NR3C2: variants seen among roughly 807,000 people sequenced by gnomAD.
NR3C2 encodes mineralocorticoid receptor.
NR3C2 carries 15 observed loss-of-function variants against 86.4 expected under a neutral mutation model. The observed-to-expected ratio is 0.17, with a 90% CI of 0.12 to 0.27. The LOEUF (loss-of-function observed/expected upper bound fraction) is 0.27. Ranked by LOEUF, NR3C2 falls within the 10% of genes least tolerant of loss-of-function variation. The pLI is 1.00. For synonymous variants in NR3C2, 458 were observed against 450.5 expected (o/e 1.02, Z -0.21); for missense variants, 960 against 1,195.6 (o/e 0.80, Z 2.91).
At chr4:148,213,137 G>T (rs1041167116) in intron 3 of NR3C2, among the ~76,000 whole-genome samples, 1 of 146,988 alleles carries the variant, frequency 6.8e-6, no homozygotes, top group African/African-American at 2.5e-5. Context: ...ACAATGATGG[G>T]TTTTTTTTTT....
chr4:148,088,068 C>T (rs904795890), intron 8 of NR3C2, among the ~76,000 whole-genome samples: 4 of 152,194 alleles, frequency 2.6e-5, no homozygotes, highest in African/African-American at 9.7e-5. Flanking sequence ...AGAGACTCTT[C>T]TCAAAAGAAG....
Position 148,436,456 on chromosome 4 carries a change from C to A in NR3C2, c.405G>T (p.Gln135His), listed in dbSNP as rs138893620. The A allele has an allele frequency of 6.2e-7, 1 of 1,614,196 alleles. No individual in the cohort carries two copies. The highest frequency in any genetic ancestry group is 1.6e-4 in the Middle Eastern group (1 of 6,062). The change falls in exon 2 of 9, where the codon CAG becomes CAT. Residue 135 changes from glutamine to histidine, a missense_variant. By Grantham distance (24) the Gln-to-His change is conservative (BLOSUM62 0). Coordinates refer to ENST00000358102, the MANE Select transcript of NR3C2 (RefSeq NM_000901.5). ...AAAATTTCACCAGCTGTTCAACATT[C>A]TGATAAATCTTAGCTGGACTCATGC... ...QGSMSPAKIY[Q>H]NVEQLVKFYK... is the part of the protein sequence containing the mutation.
chr4:148,181,841 G>A (rs1011113946), intron 4 of NR3C2, among the ~76,000 whole-genome samples: 1 of 152,170 alleles, frequency 6.6e-6, no homozygotes, highest in African/African-American at 2.4e-5. Context: ...TAGTACTAGT[G>A]GCAGGAGGGA....
intron 2 of NR3C2, among the ~76,000 whole-genome samples, chr4:148,421,903 T>C (rs1284317161): frequency 4.6e-5 from 7 of 152,148 alleles, no homozygotes; most frequent in Admixed American, 4.6e-4. Context: ...GTTCATGAAA[T>C]TATACTCTCT....
At chr4:148,434,200 C>T (rs887319358) in intron 2 of NR3C2, among the ~76,000 whole-genome samples, 38 of 152,102 alleles carry the variant, frequency 2.5e-4, no homozygotes, top group African/African-American at 9.2e-4. Flanking sequence ...TTTATATAGT[C>T]CATAAAGGAA....
At chr4:148,136,883 C>T (rs1247397221) in intron 6 of NR3C2, among the ~76,000 whole-genome samples, 1 of 152,152 alleles carries the variant, frequency 6.6e-6, no homozygotes, top group Admixed American at 6.6e-5. Flanking sequence ...CTTACTTGTC[C>T]AGTAACTCAC....
intron 2 of NR3C2, among the ~76,000 whole-genome samples, chr4:148,265,102 A>G (rs1357457174): frequency 2.0e-5 from 3 of 152,186 alleles, no homozygotes; most frequent in Non-Finnish European, 4.4e-5. Flanking sequence ...AGAGGATTTT[A>G]TACAAATGTT....
chr4:148,254,731 T>C (rs1414225835), intron 3 of NR3C2, among the ~76,000 whole-genome samples: 1 of 152,006 alleles, frequency 6.6e-6, no homozygotes, highest in Non-Finnish European at 1.5e-5. Flanking sequence ...AAAGAAAAAA[T>C]ATCTTTAAGG....
At chr4:148,261,157 G>A (rs952409165) in intron 2 of NR3C2, among the ~76,000 whole-genome samples, 2 of 152,218 alleles carry the variant, frequency 1.3e-5, no homozygotes, top group African/African-American at 2.4e-5. Flanking sequence ...TAGAACTGGG[G>A]AAAGTGCTAT....
intron 3 of NR3C2, among the ~76,000 whole-genome samples, chr4:148,205,412 C>T (rs1179856384): frequency 2.0e-5 from 3 of 152,184 alleles, no homozygotes; most frequent in African/African-American, 7.2e-5. Flanking sequence ...TATCCTCTAA[C>T]CACCTAGTTT....
chr4:148,202,282 C>T (rs903991809), intron 3 of NR3C2, among the ~76,000 whole-genome samples: 11 of 152,168 alleles, frequency 7.2e-5, no homozygotes, highest in Non-Finnish European at 1.2e-4. Context: ...ATCTTTTTTC[C>T]AGGGGGAGGA....
At chr4:148,203,567 C>T (rs1013782374) in intron 3 of NR3C2, among the ~76,000 whole-genome samples, 1 of 151,774 alleles carries the variant, frequency 6.6e-6, no homozygotes, top group Non-Finnish European at 1.5e-5. Context: ...TGAACTGGTT[C>T]GAACAACCTG....
At chr4:148,363,462 C>G (rs1038083847) in intron 2 of NR3C2, among the ~76,000 whole-genome samples, 3 of 145,910 alleles carry the variant, frequency 2.1e-5, no homozygotes, top group African/African-American at 7.5e-5. Context: ...CATGAAATTA[C>G]AGCACTACTC....
chr4:148,200,071 G>T (rs1162973893), intron 3 of NR3C2, among the ~76,000 whole-genome samples: 1 of 152,182 alleles, frequency 6.6e-6, no homozygotes, highest in Non-Finnish European at 1.5e-5. Context: ...TCCACACAAA[G>T]AATAAGCCCA....
chr4:148,260,074 T>C lies in NR3C2; in HGVS notation c.1801A>G (p.Lys601Glu). ...SVSTGSSRPS[K>E]ICLVCGDEAS... The stretch of plus-strand genomic sequence containing the variant: ...TCATCCCCACACACCAAACATATTT[T>C]TGAAGGTCTTGAAGATCCAGTAGAA... Residue 601 changes from lysine (K) to glutamate (E), a missense_variant, in exon 3 of 9, where the codon AAA (lysine) becomes GAA (glutamate). Around this residue, in one of 4 missense-constraint regions of NR3C2, gnomAD observed 47 missense variants for 107.3 expected, o/e 0.44. Coordinates refer to ENST00000358102, the MANE Select transcript of NR3C2 (RefSeq NM_000901.5). 6.2e-7 allele frequency: 1 copy of C among 1,614,096 alleles called. No homozygotes were observed. Among genetic ancestry groups the C allele is most frequent in the Non-Finnish European group, 8.5e-7 (1 of 1,180,008 alleles).
chr4:148,136,056 C>CAAAAAAGAAAAAAAAAAAA (rs1733300559), intron 6 of NR3C2, among the ~76,000 whole-genome samples: 1 of 71,182 alleles, frequency 1.4e-5, no homozygotes, highest in Admixed American at 1.4e-4. Flanking sequence ...GACTCCGTCT[C>CAAAAAAGAAAAAAAAAAAA]AAAAAAAAAA....
rs1736366164 is a variant in NR3C2, at chr4:148,194,853, T to C, written c.1907A>G (p.Asn636Ser). 6.2e-7 allele frequency: 1 copy of C among 1,609,494 alleles called. No individual in the cohort carries two copies. The highest frequency in any genetic ancestry group is 8.5e-7 in the Non-Finnish European group (1 of 1,177,806). ...ATCATTTCTTCCAGCACATAAATAGTTGTGTTGCCCTGATTAAAATAATAA... is the reference window on the plus strand; with the variant it reads ...ATCATTTCTTCCAGCACATAAATAGCTGTGTTGCCCTGATTAAAATAATAA... ...FFKRAVEGQH[N>S]YLCAGRNDCI... Residue 636 changes from asparagine to serine, a missense_variant, in exon 4 of 9, where the codon AAC becomes AGC. Physicochemically the swap from Asn to Ser is conservative, Grantham distance 46. Transcript: ENST00000358102.
intron 2 of NR3C2, among the ~76,000 whole-genome samples, chr4:148,319,424 G>A (rs1743423998): frequency 6.6e-6 from 1 of 152,018 alleles, no homozygotes; most frequent in Admixed American, 6.6e-5. Flanking sequence ...AAAGGCATTG[G>A]TAGCTTGATG....
At chr4:148,421,615 A>G (rs1310550768) in intron 2 of NR3C2, among the ~76,000 whole-genome samples, 1 of 152,314 alleles carries the variant, frequency 6.6e-6, no homozygotes, top group East Asian at 1.9e-4. Context: ...GATACTGACA[A>G]TGTACTGACT....
Sources: allele counts gnomAD v4.1 joint callset (sites outside exome capture counted in the v4.1 genomes callset), GRCh38; gene constraint gnomAD v4.1.1; regional missense constraint gnomAD v4.1.1; transcripts MANE v1.5; gene names NCBI Gene and HGNC (gene_info 2026-07-23, HGNC 2026-07-21).